The following CLPSL1 variants were observed in gnomAD, a reference collection of about 807,000 sequenced individuals.
CLPSL1 encodes colipase-like protein 1.
In CLPSL1, 13 loss-of-function variants were observed where a neutral mutation model predicts 9.3. That is an observed-to-expected ratio of 1.40 (90% CI 0.91 to 2.22). The LOEUF (loss-of-function observed/expected upper bound fraction) is 2.22, where lower values mean the gene tolerates loss of function less well. Ranked by LOEUF, CLPSL1 falls within the 30% of genes most tolerant of loss-of-function variation. CLPSL1 has a pLI of 0.00. For synonymous variants in CLPSL1, 58 were observed against 56.9 expected, an observed-to-expected ratio of 1.02 and a Z score of -0.08; for missense variants, 164 against 146.6, an observed-to-expected ratio of 1.12 and a Z score of -0.61.
At position 35,787,864 on chromosome 6, in the gene CLPSL1, C is replaced by G. The variant is rs764415818; in HGVS notation, c.223-3C>G. 10 of 1,609,270 alleles carry G rather than the reference C, an allele frequency of 6.2e-6. No homozygotes were observed. The Admixed American group carries it at 1.3e-4, about 21-fold the overall frequency. On this transcript the variant is annotated splice_polypyrimidine_tract_variant and splice_region_variant and intron_variant, in intron 2 of 2. Coordinates refer to ENST00000373861, the MANE Select transcript of CLPSL1 (RefSeq NM_001010886.5). ...GTCGAGGTCAAAGTCCTGTCTTTCC[C>G]AGGTGTTCTTTGGCCAATATAGAGC...
At chr6:35,785,696 C>G (rs1272174756) in intron 1 of CLPSL1, among the ~76,000 whole-genome samples, 1 of 152,274 alleles carries the variant, frequency 6.6e-6, no homozygotes, top group East Asian at 1.9e-4. Context: ...AATGTGATAA[C>G]TGTTGAACCA....
At chr6:35,786,293 T>C (rs1307524634) in intron 1 of CLPSL1, among the ~76,000 whole-genome samples, 2 of 152,324 alleles carry the variant, frequency 1.3e-5, no homozygotes, top group East Asian at 3.9e-4. Context: ...AGCTCCTCAG[T>C]TGCACTACCA....
intron 1 of CLPSL1, chr6:35,793,435 A>AAAT: frequency 6.7e-6 from 3 of 445,150 alleles, no homozygotes; most frequent in East Asian, 7.0e-5. Context: ...CAAAAAAAAA[A>AAAT]AAAAAAAGGG....
At chr6:35,792,725 C>T (rs1768244715), downstream of CLPSL1, among the ~76,000 whole-genome samples, 1 of 152,280 alleles carries the variant, frequency 6.6e-6, no homozygotes, top group African/African-American at 2.4e-5. Flanking sequence ...TTCCTTATGC[C>T]CCCCACAGTC....
At chr6:35,786,444 C>G (rs142964030) in intron 1 of CLPSL1, among the ~76,000 whole-genome samples, 1 of 152,278 alleles carries the variant, frequency 6.6e-6, no homozygotes, top group African/African-American at 2.4e-5. Flanking sequence ...TTTGTTGTTC[C>G]CAGCTGTATT....
chr6:35,794,015 G>A (rs147579109), downstream of CLPSL1, among the ~76,000 whole-genome samples: 5 of 152,324 alleles, frequency 3.3e-5, no homozygotes, highest in Non-Finnish European at 5.9e-5. Context: ...GAATAATTGG[G>A]AAAGAAAAAG....
At chr6:35,783,936 C>A (rs891165579) in intron 1 of CLPSL1, among the ~76,000 whole-genome samples, 1 of 151,940 alleles carries the variant, frequency 6.6e-6, no homozygotes, top group African/African-American at 2.4e-5. Flanking sequence ...AGTGCAGTTA[C>A]TAGTGTGAAC....
intron 2 of CLPSL1, 122 bp downstream of exon 2, chr6:35,787,242 C>A (rs1407440748): frequency 7.4e-6 from 9 of 1,212,674 alleles, no homozygotes; most frequent in African/African-American, 5.9e-5. Context: ...GCCTGGAATT[C>A]CCCCGTGGGA....
At chr6:35,793,380 G>A (rs1003412970) in intron 1 of CLPSL1, 8 of 448,236 alleles carry the variant, frequency 1.8e-5, no homozygotes, top group Middle Eastern at 3.6e-4. Context: ...AGCCGAGATC[G>A]TGCCACTGCA....
At chr6:35,784,431 C>T (rs1768029340) in intron 1 of CLPSL1, among the ~76,000 whole-genome samples, 1 of 152,192 alleles carries the variant, frequency 6.6e-6, no homozygotes, top group Admixed American at 6.5e-5. Flanking sequence ...CCAACCCCCA[C>T]TTCCCGTCAT....
chr6:35,782,160 G>T (rs1354915227), intron 1 of CLPSL1, among the ~76,000 whole-genome samples: 1 of 152,178 alleles, frequency 6.6e-6, no homozygotes, highest in South Asian at 2.1e-4. Context: ...AAAGCAGGGG[G>T]GTCTCTGGGA....
At chr6:35,786,929 G>T in intron 1 of CLPSL1, 69 bp from the exon 2 acceptor site, 3 of 1,526,656 alleles carry the variant, frequency 2.0e-6, no homozygotes. Flanking sequence ...TAGGGAGAAA[G>T]CCCCAGGCGG....
At chr6:35,784,421 C>T (rs183403038) in intron 1 of CLPSL1, among the ~76,000 whole-genome samples, 8 of 152,224 alleles carry the variant, frequency 5.3e-5, no homozygotes, top group African/African-American at 1.9e-4. Flanking sequence ...TGAGGCATGT[C>T]CAACCCCCAC....
intron 1 of CLPSL1, among the ~76,000 whole-genome samples, chr6:35,786,149 C>T (rs1199719575): frequency 6.6e-6 from 1 of 152,076 alleles, no homozygotes; most frequent in Non-Finnish European, 1.5e-5. Context: ...GCTGTAATCG[C>T]AGCTACTCGG....
downstream of CLPSL1, among the ~76,000 whole-genome samples, chr6:35,789,352 CTT>C (rs1768147027): frequency 6.6e-6 from 1 of 152,258 alleles, no homozygotes; most frequent in Admixed American, 6.5e-5. Context: ...AAAGGATAGT[CTT>C]TTCAATAAAT....
At chr6:35,793,963 A>T (rs1292472152), downstream of CLPSL1, among the ~76,000 whole-genome samples, 1 of 152,268 alleles carries the variant, frequency 6.6e-6, no homozygotes, top group African/African-American at 2.4e-5. Context: ...ATATTAAGGC[A>T]AAATTAAATT....
intron 1 of CLPSL1, among the ~76,000 whole-genome samples, chr6:35,785,174 A>ATTTTTTTTTTTTTTTTTTTTTTTTTTTTT (rs34500810): frequency 8.6e-6 from 1 of 115,716 alleles, no homozygotes; most frequent in Non-Finnish European, 1.7e-5. Context: ...GCCCCTGGAA[A>ATTTTTTTTTTTTTTTTTTTTTTTTTTTTT]TTTTTTTTTT....
At chr6:35,793,469 C>A (rs1768262518) in intron 1 of CLPSL1, 1 of 471,040 alleles carries the variant, frequency 2.1e-6, no homozygotes, top group Non-Finnish European at 4.4e-6. Context: ...ACTCTCTGCT[C>A]CTTCTCCCGC....
intron 1 of CLPSL1, among the ~76,000 whole-genome samples, chr6:35,783,044 T>C (rs955235718): frequency 6.6e-6 from 1 of 152,168 alleles, no homozygotes; most frequent in Non-Finnish European, 1.5e-5. Flanking sequence ...TTCGAACCTA[T>C]GCAGACCCCC....
Sources: allele counts gnomAD v4.1 joint callset (sites outside exome capture counted in the v4.1 genomes callset), GRCh38; gene constraint gnomAD v4.1.1; transcripts MANE v1.5; gene names NCBI Gene and HGNC (gene_info 2026-07-23, HGNC 2026-07-21).